Variants in ESYT2 observed in about 807,000 individuals in gnomAD.
The protein encoded by ESYT2 is extended synaptotagmin-2.
Under a neutral mutation model 107.2 loss-of-function variants are expected in ESYT2, and 54 were observed. The observed-to-expected ratio is 0.50, with a 90% CI of 0.40 to 0.63. The LOEUF is 0.63. ESYT2 is among the 30% of genes least tolerant of loss of function. The pLI, the probability that ESYT2 is intolerant of heterozygous loss-of-function variation, is 0.00. For synonymous variants in ESYT2, 491 were observed against 434.1 expected, an observed-to-expected ratio of 1.13 and a Z score of -1.63; for missense variants, 1,020 against 1,094.5, an observed-to-expected ratio of 0.93 and a Z score of 0.96.
At chr7:158,816,603 T>A (rs965970570) in intron 1 of ESYT2, among the ~76,000 whole-genome samples, 1 of 152,160 alleles carries the variant, frequency 6.6e-6, no homozygotes, top group Non-Finnish European at 1.5e-5. Flanking sequence ...CCAGAACCCT[T>A]AAAAGATAAG....
intron 20 of ESYT2, 144 bp from the exon 21 acceptor site, chr7:158,735,752 T>G (rs3816463): frequency 0.19 from 136,366 of 725,132 alleles, 17,194 homozygotes; most frequent in East Asian, 0.55. Context: ...CCTAATGTTT[T>G]AATCTGGCAT....
At chr7:158,815,713 C>T (rs1840132053) in intron 1 of ESYT2, among the ~76,000 whole-genome samples, 1 of 152,098 alleles carries the variant, frequency 6.6e-6, no homozygotes, top group Admixed American at 6.6e-5. Flanking sequence ...CTCCTCATCC[C>T]ACCTCTGAAA....
chr7:158,779,255 CAA>C (rs1430209744), intron 6 of ESYT2, among the ~76,000 whole-genome samples: 1 of 152,106 alleles, frequency 6.6e-6, no homozygotes, highest in African/African-American at 2.4e-5. Flanking sequence ...AAAAACAAAG[CAA>C]GAGAGCCAGG....
intron 12 of ESYT2, 54 bp from the exon 13 acceptor site, chr7:158,759,635 T>C (rs1837891760): frequency 7.2e-7 from 1 of 1,390,568 alleles, no homozygotes; most frequent in Non-Finnish European, 1.0e-6. Flanking sequence ...GATTAGATAC[T>C]ATTTCTATCT....
intron 11 of ESYT2, among the ~76,000 whole-genome samples, chr7:158,760,779 T>C (rs1332339299): frequency 6.6e-6 from 1 of 152,156 alleles, no homozygotes; most frequent in Non-Finnish European, 1.5e-5. Context: ...CACAAAATAA[T>C]TAATCAAAGA....
rs1836732857 is a variant in ESYT2, at chr7:158,731,120, G to A, written c.*3087C>T. ...ACCGCTGTTCTCTATTTGCAGTGGG[G>A]GGTCCAGCTGGAGGTGGAATAAATG... On this transcript the variant is annotated 3_prime_UTR_variant, in exon 23 of 23. Transcript: ENST00000275418. The A allele has an allele frequency of 6.6e-6, 1 of 152,104 alleles. No individual in the cohort carries two copies. Among genetic ancestry groups the A allele is most frequent in the Admixed American group, 6.5e-5 (1 of 15,272 alleles). 9.4% of individuals were successfully genotyped at this position (152,104 alleles called of 1,614,324 possible).
chr7:158,798,206 T>C, intron 2 of ESYT2, 130 bp from the exon 3 acceptor site: 1 of 946,648 alleles, frequency 1.1e-6, no homozygotes, highest in Admixed American at 3.0e-5. Context: ...ATCTTGTTGT[T>C]ATGCAAAATC....
rs755201168 is a variant in ESYT2 at position 158,829,139 on chromosome 7, C to G, written c.280G>C (p.Glu94Gln). The G allele has an allele frequency of 3.8e-6, 6 of 1,568,784 alleles. No homozygotes were observed. The African/African-American group carries it at 6.9e-5, about 18-fold the overall frequency. Residue 94 changes from glutamate to glutamine, a missense_variant, in exon 1 of 23, where the codon GAG becomes CAG. Transcript: ENST00000275418. ...LCRALALLED[E>Q]ERVVRLGVRA... ...ACCCCCAGGCGCACGACGCGCTCCT[C>G]GTCTTCCAGCAGCGCCAGCGCGCGG...
intron 4 of ESYT2, among the ~76,000 whole-genome samples, chr7:158,790,025 G>A (rs1204580358): frequency 1.3e-5 from 2 of 151,940 alleles, no homozygotes; most frequent in Non-Finnish European, 2.9e-5. Context: ...CAGCCCAGTG[G>A]GGAGAGTCCT....
intron 7 of ESYT2, among the ~76,000 whole-genome samples, chr7:158,773,092 C>G (rs1325742437): frequency 6.6e-6 from 1 of 152,134 alleles, no homozygotes; most frequent in Non-Finnish European, 1.5e-5. Flanking sequence ...TGAACAAACG[C>G]AAATGAAGAC....
chr7:158,794,868 A>C (rs1041930304), intron 3 of ESYT2, among the ~76,000 whole-genome samples: 1 of 152,250 alleles, frequency 6.6e-6, no homozygotes, highest in Non-Finnish European at 1.5e-5. Context: ...CGAGCTGTCA[A>C]ATCAAACTCT....
At chr7:158,802,208 T>G (rs1253370266) in intron 1 of ESYT2, among the ~76,000 whole-genome samples, 1 of 152,236 alleles carries the variant, frequency 6.6e-6, no homozygotes, top group Middle Eastern at 3.2e-3. Flanking sequence ...TCAAACAACA[T>G]TCCCCTTGAA....
chr7:158,762,930 T>A (rs1217833305), intron 10 of ESYT2, among the ~76,000 whole-genome samples, 153 bp downstream of exon 10: 2 of 152,244 alleles, frequency 1.3e-5, no homozygotes, highest in Admixed American at 1.3e-4. Context: ...AAAAATGTTT[T>A]AAGAAATCCA....
At position 158,810,688 on chromosome 7, in the gene ESYT2, G is replaced by GGAA. The variant is rs569997105; in HGVS notation, c.331-11617_331-11616insTTC. On this transcript the variant is annotated intron_variant, in intron 1 of 22. Coordinates refer to ENST00000275418, the MANE Select transcript of ESYT2 (RefSeq NM_001367773.1). ...TAGAGCGAGACCCTGTCTTGGGGGG[G>GGAA]AAAAAAAAAGGCTCATCATAAAGAC... Among the ~76,000 whole-genome samples the GGAA allele has an allele frequency of 5.3e-5, 8 of 149,672 alleles. No individual in the cohort carries two copies. The East Asian group carries it at 6.0e-4, about 11-fold the overall frequency.
At chr7:158,819,628 T>C (rs887219773) in intron 1 of ESYT2, among the ~76,000 whole-genome samples, 1 of 152,254 alleles carries the variant, frequency 6.6e-6, no homozygotes, top group Admixed American at 6.5e-5. Flanking sequence ...CAATGTAATG[T>C]TATCACTAGT....
intron 4 of ESYT2, among the ~76,000 whole-genome samples, chr7:158,791,332 G>A (rs758271094): frequency 1.3e-5 from 2 of 152,184 alleles, no homozygotes; most frequent in Admixed American, 1.3e-4. Flanking sequence ...ATCGGCCCAC[G>A]CATCCTTGGG....
chr7:158,824,893 T>C (rs1424889297), intron 1 of ESYT2, among the ~76,000 whole-genome samples: 1 of 152,232 alleles, frequency 6.6e-6, no homozygotes, highest in Non-Finnish European at 1.5e-5. Context: ...GGCATGCAAC[T>C]GTAATCCCAG....
chr7:158,741,376 T>C (rs1837195512), intron 18 of ESYT2, 147 bp downstream of exon 18: 2 of 1,200,696 alleles, frequency 1.7e-6, no homozygotes, highest in Admixed American at 5.9e-5. Flanking sequence ...CAACACAACC[T>C]GAAGTGCTTT....
intron 1 of ESYT2, among the ~76,000 whole-genome samples, chr7:158,806,587 C>T (rs1839839341): frequency 2.0e-5 from 3 of 152,334 alleles, no homozygotes; most frequent in Admixed American, 2.0e-4. Flanking sequence ...CTAATGTCAA[C>T]AGACTTATTT....
Sources: gnomAD v4.1 joint callset for allele counts (sites outside exome capture counted in the v4.1 genomes callset) on GRCh38, gnomAD v4.1.1 for gene constraint, MANE v1.5 for transcripts, NCBI Gene and HGNC (gene_info 2026-07-23, HGNC 2026-07-21) for gene names.